Variants in GLI4 observed in about 807,000 individuals in gnomAD.
GLI4 encodes the protein zinc finger protein GLI4.
GLI4 carries 34 observed loss-of-function variants against 30.9 expected under a neutral mutation model. The ratio of observed to expected loss-of-function variants is 1.10; its 90% CI spans 0.84 to 1.47. The LOEUF is 1.47. Ranked by LOEUF, GLI4 falls within the 40% of genes most tolerant of loss-of-function variation. GLI4 has a pLI of 0.00. For synonymous variants in GLI4, 277 were observed against 236.7 expected (o/e 1.17, Z -1.56); for missense variants, 696 against 538.9 (o/e 1.29, Z -2.89).
chr8:143,275,768 G>T, intron 3 of GLI4, 129 bp from the exon 4 acceptor site: 1 of 1,238,674 alleles, frequency 8.1e-7, no homozygotes, highest in African/African-American at 1.6e-5. Context: ...CCCATCCACT[G>T]GGTGCCTGGC....
intron 2 of GLI4, among the ~76,000 whole-genome samples, chr8:143,271,779 G>A (rs1265496009): frequency 2.0e-5 from 3 of 152,184 alleles, no homozygotes; most frequent in African/African-American, 7.2e-5. Context: ...GGCATGAGGA[G>A]CGGCCGGGTA....
At chr8:143,267,647 G>A (rs375254298) in intron 1 of GLI4, 163 bp downstream of exon 1, 1 of 985,374 alleles carries the variant, frequency 1.0e-6, no homozygotes, top group Non-Finnish European at 1.2e-6. Context: ...CGGGGAGCGG[G>A]GTGGGCTCCT....
rs1815388148 is a variant in GLI4, at chr8:143,276,365, G to A, written c.692G>A (p.Arg231His). 6.2e-7 allele frequency: 1 copy of A among 1,611,354 alleles called. No individual in the cohort carries two copies. The highest frequency in any genetic ancestry group is 1.7e-5 in the Admixed American group (1 of 59,918). The change falls in exon 4 of 4, where the codon CGC (arginine) becomes CAC (histidine). Residue 231 changes from arginine (R) to histidine (H), a missense_variant. By Grantham distance (29) the Arg-to-His change is conservative (BLOSUM62 0). Transcript: ENST00000340042. ...RGWSGFIQHH[R>H]IHTGEKPYEC... ...TGGTCGGGCTTCATCCAGCACCACC[G>A]CATCCACACGGGCGAGAAGCCCTAC... is the stretch of plus-strand genomic sequence containing the variant.
At chr8:143,268,798 G>A (rs1815198058) in intron 1 of GLI4, among the ~76,000 whole-genome samples, 1 of 133,762 alleles carries the variant, frequency 7.5e-6, no homozygotes, top group Admixed American at 7.4e-5. Flanking sequence ...CGCCCAGGCG[G>A]TGGCTGCTTC....
intron 3 of GLI4, chr8:143,275,342 G>A (rs907936128): frequency 2.8e-6 from 4 of 1,420,456 alleles, no homozygotes; most frequent in Non-Finnish European, 2.8e-6. Flanking sequence ...CGGCCCTGGG[G>A]TGGGGAGCAG....
rs199810249 is a variant in GLI4 at position 143,270,266 on chromosome 8, G to GA, written c.124+748dup. On this transcript the variant is annotated intron_variant, in intron 2 of 3. Transcript: ENST00000340042. ...TTGGGGAGTCAGAGTCCTGGTGGCT[G>GA]AAGGGACCACTGAGGCTTGTGGAGA... is the stretch of plus-strand genomic sequence containing the variant. Among the ~76,000 whole-genome samples, 819 of 152,368 alleles carry GA rather than the reference G, an allele frequency of 5.4e-3. 39 individuals are homozygous for GA. In the East Asian group the frequency reaches 0.12, roughly 22 times the overall value.
intron 1 of GLI4, 136 bp from the exon 2 acceptor site, chr8:143,269,224 A>C: frequency 1.4e-6 from 1 of 692,144 alleles, no homozygotes; most frequent in Non-Finnish European, 2.5e-6. Flanking sequence ...CTGTGGGTTC[A>C]TCCTCCATCC....
rs572896743 is a variant in GLI4 at position 143,276,161 on chromosome 8, C to G, written c.488C>G (p.Ala163Gly). ...AGPEGAPERA[A>G]ELGVNFGRSR... is the part of the protein sequence containing the mutation. The stretch of plus-strand genomic sequence containing the variant: ...CCCGAGGGTGCGCCCGAGCGGGCTG[C>G]CGAGCTGGGAGTCAACTTCGGTCGG... Residue 163 changes from alanine (A) to glycine (G), a missense_variant, in exon 4 of 4, where the codon GCC becomes GGC. Coordinates refer to ENST00000340042, the MANE Select transcript of GLI4 (RefSeq NM_138465.4). The G allele has an allele frequency of 6.5e-7, 1 of 1,550,126 alleles. No homozygotes were observed. Among genetic ancestry groups the G allele is most frequent in the African/African-American group, 1.4e-5 (1 of 73,066 alleles).
At position 143,275,966 on chromosome 8, in the gene GLI4, G is replaced by T; in HGVS notation, c.293G>T (p.Gly98Val). 7.5e-7 allele frequency: 1 copy of T among 1,335,876 alleles called. No homozygotes were observed. 82.8% of individuals were successfully genotyped at this position (1,335,876 alleles called of 1,614,324 possible). ...GSQAPDEGAG[G>V]ALRSLLRSLP... ...CAGGCCCCTGACGAGGGGGCGGGCG[G>T]GGCGCTGCGCAGCCTCCTGAGGAGC... Residue 98 changes from glycine to valine, a missense_variant, in exon 4 of 4, where the codon GGG becomes GTG. Physicochemically the swap from Gly to Val is moderately radical, Grantham distance 109. Coordinates refer to ENST00000340042, the MANE Select transcript of GLI4 (RefSeq NM_138465.4).
Position 143,275,944 on chromosome 8 carries a change from GCCCCT to G in GLI4, c.272_276del (p.Ala91GlyfsTer28). On this transcript the variant is annotated frameshift_variant, in exon 4 of 4. Transcript: ENST00000340042. LOFTEE classifies it low-confidence loss of function (END_TRUNC). ...GGCTCCACGCTCTCCTGGCTCTCAGGCCCCTGACGAGGGGGCGGGCGGGGCGCTGC... is the reference window on the plus strand; with the variant it reads ...GGCTCCACGCTCTCCTGGCTCTCAGGGACGAGGGGGCGGGCGGGGCGCTGC... 4 of 1,330,668 alleles carry G rather than the reference GCCCCT, an allele frequency of 3.0e-6. No homozygotes were observed. The highest frequency in any genetic ancestry group is 3.8e-6 in the Non-Finnish European group (4 of 1,041,154). 82.4% of individuals were successfully genotyped at this position (1,330,668 alleles called of 1,614,324 possible).
chr8:143,268,088 A>G lies in GLI4; in HGVS notation c.-38+604A>G, dbSNP rs7814376. 4.1e-6 allele frequency: 4 copies of G among 985,204 alleles called. No homozygotes were observed. In the African/African-American group the frequency reaches 7.0e-5, roughly 17 times the overall value. 61.0% of individuals were successfully genotyped at this position (985,204 alleles called of 1,614,324 possible). A position where few individuals can be genotyped will look rare whatever the true frequency, so the allele number is the denominator to read the frequency against. ...GGGTGATCGAGCAGGCCCTTTTACC[A>G]GGTGTCCCCAGTAAGTTAACTAAGT... On this transcript the variant is annotated intron_variant, in intron 1 of 3. Transcript: ENST00000340042.
chr8:143,269,575 C>T, intron 2 of GLI4, 55 bp downstream of exon 2: 6 of 1,464,904 alleles, frequency 4.1e-6, no homozygotes, highest in South Asian at 3.4e-5. Flanking sequence ...CCCTCACGTC[C>T]CCTGCCCTGT....
At chr8:143,275,500 TC>T (rs1815363763) in intron 3 of GLI4, 1 of 1,295,918 alleles carries the variant, frequency 7.7e-7, no homozygotes, top group South Asian at 2.6e-5. Flanking sequence ...ATGGACCACA[TC>T]CTCGGCAAGG....
intron 1 of GLI4, chr8:143,268,160 C>CCAGGTAGGTGGCCA: frequency 2.3e-6 from 2 of 882,946 alleles, no homozygotes; most frequent in Non-Finnish European, 2.7e-6. Context: ...CCAGTGGCCA[C>CCAGGTAGGTGGCCA]CTACCTGGTG....
At position 143,276,203 on chromosome 8, in the gene GLI4, C is replaced by G; in HGVS notation, c.530C>G (p.Ala177Gly). ...TTCGGTCGGAGCCGGCAGGGCAGCG[C>G]GCGGGGGGCCAAGCCGCACAGGTGC... ...VNFGRSRQGSARGAKPHRCEA... is the reference protein window; with the variant it reads ...VNFGRSRQGSGRGAKPHRCEA... Residue 177 changes from alanine to glycine, a missense_variant, in exon 4 of 4, where the codon GCG becomes GGG. Coordinates refer to ENST00000340042, the MANE Select transcript of GLI4 (RefSeq NM_138465.4). The G allele has an allele frequency of 6.4e-7, 1 of 1,572,660 alleles. No homozygotes were observed. Among genetic ancestry groups the G allele is most frequent in the Non-Finnish European group, 8.6e-7 (1 of 1,159,944 alleles).
At chr8:143,271,150 A>G (rs1815259414) in intron 2 of GLI4, among the ~76,000 whole-genome samples, 1 of 152,196 alleles carries the variant, frequency 6.6e-6, no homozygotes, top group East Asian at 1.9e-4. Context: ...CTGCACCAGC[A>G]GCTTCTGCCG....
chr8:143,274,818 C>T lies in GLI4; in HGVS notation c.223+16C>T, dbSNP rs755697878. 43 of 1,543,770 alleles carry T rather than the reference C, an allele frequency of 2.8e-5. No homozygotes were observed. The South Asian group carries it at 4.6e-4, about 17-fold the overall frequency. On this transcript the variant is annotated intron_variant, in intron 3 of 3. Transcript: ENST00000340042. ...TTCTGGCCCGGTGAGTGAGCAGAAT[C>T]GGGTTACTGGGGGACCAGAGCTCTG...
At chr8:143,274,998 G>A (rs1452402666) in intron 3 of GLI4, 196 bp downstream of exon 3, 20 of 1,502,154 alleles carry the variant, frequency 1.3e-5, no homozygotes, top group South Asian at 2.5e-5. Context: ...GATGCTTCCC[G>A]AGGCGGTGAC....
At position 143,269,363 on chromosome 8, in the gene GLI4, C is replaced by T; in HGVS notation, c.-34C>T. ...CCATGGTTTTCATTTTCCCCAGGTCCCAGGTGTGACACCTTCAGCAGGTCT... is the reference window on the plus strand; with the variant it reads ...CCATGGTTTTCATTTTCCCCAGGTCTCAGGTGTGACACCTTCAGCAGGTCT... On this transcript the variant is annotated 5_prime_UTR_variant, in exon 2 of 4. Coordinates refer to ENST00000340042, the MANE Select transcript of GLI4 (RefSeq NM_138465.4). The T allele has an allele frequency of 6.2e-7, 1 of 1,605,106 alleles. No homozygotes were observed. Among genetic ancestry groups the T allele is most frequent in the Non-Finnish European group, 8.5e-7 (1 of 1,174,544 alleles).
Sources: allele counts gnomAD v4.1 joint callset (sites outside exome capture counted in the v4.1 genomes callset), GRCh38; gene constraint gnomAD v4.1.1; transcripts MANE v1.5; gene names NCBI Gene and HGNC (gene_info 2026-07-23, HGNC 2026-07-21).